Variants in NDUFS6 observed in about 807,000 individuals in gnomAD.
NDUFS6 encodes the protein NADH dehydrogenase [ubiquinone] iron-sulfur protein 6, mitochondrial.
A neutral mutation model predicts 13.2 loss-of-function variants in NDUFS6; 14 were observed. The ratio of observed to expected loss-of-function variants is 1.06; its 90% CI spans 0.70 to 1.66. NDUFS6 has a LOEUF of 1.66. NDUFS6 is among the 40% of genes most tolerant of loss of function. NDUFS6 has a pLI of 0.00. For synonymous variants in NDUFS6, 95 were observed against 72.3 expected, an observed-to-expected ratio of 1.31 and a Z score of -1.60; for missense variants, 206 against 170.8, an observed-to-expected ratio of 1.21 and a Z score of -1.15.
In NDUFS6 at chr5:1,814,461, G is replaced by A. The variant is rs767556342; in HGVS notation, c.309G>A (p.Leu103=). The A allele has an allele frequency of 5.0e-6, 8 of 1,614,042 alleles. No individual in the cohort carries two copies. In the East Asian group the frequency reaches 1.1e-4, roughly 22 times the overall value. Residue 103 remains leucine, a splice_region_variant and synonymous_variant, in exon 3 of 4, where the codon TTG becomes TTA. Transcript: ENST00000274137. The surrounding 1 kb of genome is among the most constrained non-coding windows in gnomAD (Gnocchi z 4.9). ...GCCACCCAAAAGTGTATATAAACTT[G>A]GTGCGTAGCTGGCCACCTGTGCACA... ...ALGHPKVYIN[L]DKETKTGTCG...
Position 1,814,814 on chromosome 5 carries a change from A to G in NDUFS6, c.309+353A>G, listed in dbSNP as rs752198232. The stretch of plus-strand genomic sequence containing the variant: ...CGAAAACAACAAACACATTTCCCAC[A>G]GCGCTGGAGGCTGCAGCCCAAGACC... On this transcript the variant is annotated intron_variant, in intron 3 of 3. Coordinates refer to ENST00000274137, the MANE Select transcript of NDUFS6 (RefSeq NM_004553.6). This position sits in a 1 kb window ranked among gnomAD's most constrained non-coding sequence, Gnocchi z 4.9. 7.8e-6 allele frequency: 5 copies of G among 641,056 alleles called. No individual in the cohort carries two copies. The highest frequency in any genetic ancestry group is 1.4e-5 in the Non-Finnish European group (5 of 356,106). 39.7% of individuals were successfully genotyped at this position (641,056 alleles called of 1,614,324 possible). A position where few individuals can be genotyped will look rare whatever the true frequency, so the allele number is the denominator to read the frequency against.
Position 1,814,771 on chromosome 5 carries a change from A to G in NDUFS6, c.309+310A>G. The G allele has an allele frequency of 1.5e-6, 1 of 684,436 alleles. No homozygotes were observed. Among genetic ancestry groups the G allele is most frequent in the Non-Finnish European group, 2.7e-6 (1 of 376,286 alleles). 42.4% of individuals were successfully genotyped at this position (684,436 alleles called of 1,614,324 possible). On this transcript the variant is annotated intron_variant, in intron 3 of 3. Coordinates refer to ENST00000274137, the MANE Select transcript of NDUFS6 (RefSeq NM_004553.6). This position sits in a 1 kb window ranked among gnomAD's most constrained non-coding sequence, Gnocchi z 4.9. ...CATCTCAGCTCAGGCTGCCACACAC[A>G]GCACCGCAGGCTGGGGTCGAAAACA...
chr5:1,804,462 G>A (rs1030651623), intron 2 of NDUFS6, among the ~76,000 whole-genome samples: 10 of 152,250 alleles, frequency 6.6e-5, no homozygotes, highest in Non-Finnish European at 1.0e-4. Flanking sequence ...CACCCAGGGC[G>A]TCCTGGTTGT....
chr5:1,806,592 C>T (rs752577873), intron 2 of NDUFS6, among the ~76,000 whole-genome samples: 4 of 152,052 alleles, frequency 2.6e-5, no homozygotes, highest in South Asian at 2.1e-4. Context: ...GTGTAGATTT[C>T]GTTAATGGAA....
intron 2 of NDUFS6, among the ~76,000 whole-genome samples, chr5:1,808,321 G>A (rs1734160036): frequency 6.6e-6 from 1 of 152,208 alleles, no homozygotes; most frequent in Non-Finnish European, 1.5e-5. Flanking sequence ...CTCCTCCTGA[G>A]CTTCCCTCCC....
At chr5:1,811,365 A>G (rs904760) in intron 2 of NDUFS6, among the ~76,000 whole-genome samples, 1 of 152,074 alleles carries the variant, frequency 6.6e-6, no homozygotes, top group African/African-American at 2.4e-5. Context: ...TAAAAAAAAA[A>G]CAAAATAACA....
intron 2 of NDUFS6, among the ~76,000 whole-genome samples, chr5:1,807,560 G>A (rs941850879): frequency 2.6e-5 from 4 of 152,180 alleles, no homozygotes; most frequent in African/African-American, 9.7e-5. Context: ...CTCCCAAGAG[G>A]CCGGCAGGGC....
intron 2 of NDUFS6, among the ~76,000 whole-genome samples, chr5:1,809,187 C>T (rs181710787): frequency 3.3e-5 from 5 of 152,068 alleles, no homozygotes; most frequent in Admixed American, 2.0e-4. Context: ...TAGTGACGGG[C>T]GAGGGACTCA....
intron 3 of NDUFS6, 86 bp from the exon 4 acceptor site, chr5:1,815,765 G>A: frequency 2.2e-6 from 3 of 1,377,312 alleles, no homozygotes; most frequent in Non-Finnish European, 3.1e-6. Flanking sequence ...GACAGTCTAA[G>A]TTTTATACAT....
At chr5:1,806,163 A>T (rs1734118648) in intron 2 of NDUFS6, among the ~76,000 whole-genome samples, 2 of 152,232 alleles carry the variant, frequency 1.3e-5, no homozygotes, top group African/African-American at 2.4e-5. Context: ...TTAGGCAGCA[A>T]ACCCGGAACA....
chr5:1,807,636 C>G (rs1350552572), intron 2 of NDUFS6, among the ~76,000 whole-genome samples: 1 of 152,224 alleles, frequency 6.6e-6, no homozygotes, highest in Non-Finnish European at 1.5e-5. Flanking sequence ...TCCAGAGGCT[C>G]TGCACACCCG....
Position 1,816,009 on chromosome 5 carries a change from A to G in NDUFS6, c.*93A>G. On this transcript the variant is annotated 3_prime_UTR_variant, in exon 4 of 4. Coordinates refer to ENST00000274137, the MANE Select transcript of NDUFS6 (RefSeq NM_004553.6). ...AGCTCGCTGGTTCTGTGCGAAGGGT[A>G]TTCCTGGTGCTGAATAAAGGGTGTT... is the stretch of plus-strand genomic sequence containing the variant. 3 of 1,341,068 alleles carry G rather than the reference A, an allele frequency of 2.2e-6. No individual in the cohort carries two copies. The highest frequency in any genetic ancestry group is 1.1e-6 in the Non-Finnish European group (1 of 930,924). The allele number at this position is 1,341,068 out of a possible 1,614,324, so 83.1% of individuals were successfully genotyped here.
At chr5:1,813,398 C>T (rs1428868446) in intron 2 of NDUFS6, among the ~76,000 whole-genome samples, 2 of 152,178 alleles carry the variant, frequency 1.3e-5, no homozygotes, top group South Asian at 2.1e-4. Context: ...GTCTAACGAT[C>T]GTGCTCGCGT....
chr5:1,810,540 G>A (rs572979117), intron 2 of NDUFS6, among the ~76,000 whole-genome samples: 20 of 152,286 alleles, frequency 1.3e-4, no homozygotes, highest in East Asian at 1.2e-3. Flanking sequence ...ATTTGCCATC[G>A]TGAGCATCAT....
At chr5:1,811,424 ACTTT>A (rs1282917930) in intron 2 of NDUFS6, among the ~76,000 whole-genome samples, 2 of 152,262 alleles carry the variant, frequency 1.3e-5, no homozygotes, top group South Asian at 2.1e-4. Flanking sequence ...TAAAAATTAT[ACTTT>A]CTTTAAGTTA....
chr5:1,808,713 A>G (rs1734165542), intron 2 of NDUFS6, among the ~76,000 whole-genome samples: 1 of 152,268 alleles, frequency 6.6e-6, no homozygotes, highest in Non-Finnish European at 1.5e-5. Flanking sequence ...TGTTGTACAG[A>G]CAGCTCAATT....
At chr5:1,803,991 G>A (rs542622374) in intron 2 of NDUFS6, among the ~76,000 whole-genome samples, 100 of 152,134 alleles carry the variant, frequency 6.6e-4, no homozygotes, top group Non-Finnish European at 1.4e-3. Flanking sequence ...TGGAGAAGGG[G>A]AGAAACCGAT....
In NDUFS6 at chr5:1,801,505, G is replaced by A. The variant is rs1457631436; in HGVS notation, c.88G>A (p.Val30Met). The A allele has an allele frequency of 1.9e-6, 3 of 1,601,022 alleles. No individual in the cohort carries two copies. The highest frequency in any genetic ancestry group is 2.2e-5 in the East Asian group (1 of 44,770). Residue 30 changes from valine to methionine, a missense_variant, in exon 1 of 4, where the codon GTG becomes ATG. Transcript: ENST00000274137. ...SLPLGARCFG[V>M]RVSPTGEKVT... ...GCCCCTGGGCGCCAGGTGTTTCGGG[G>A]TGCGGGTCTCGCCGACCGGGGAGAA...
chr5:1,802,092 C>A, intron 1 of NDUFS6: 1 of 539,274 alleles, frequency 1.9e-6, no homozygotes, highest in Non-Finnish European at 3.3e-6. Context: ...CTCCACCTTC[C>A]CGGGCTATGT....
Sources: gnomAD v4.1 joint callset for allele counts (sites outside exome capture counted in the v4.1 genomes callset) on GRCh38, gnomAD v4.1.1 for gene constraint, Gnocchi (gnomAD v3.1) non-coding constraint, MANE v1.5 for transcripts, NCBI Gene and HGNC (gene_info 2026-07-23, HGNC 2026-07-21) for gene names.